The following LRMDA variants were observed in gnomAD, a reference collection of about 807,000 sequenced individuals.
LRMDA encodes the protein leucine rich melanocyte differentiation associated, also known as leucine-rich melanocyte differentiation-associated protein.
Under a neutral mutation model 29.8 loss-of-function variants are expected in LRMDA, and 18 were observed. The observed-to-expected ratio is 0.60, with a 90% CI of 0.42 to 0.90. LRMDA has a LOEUF of 0.90. Ranked by LOEUF, LRMDA falls within the 40% of genes least tolerant of loss-of-function variation. The pLI, the probability that LRMDA is intolerant of heterozygous loss-of-function variation, is 0.00. For missense variants in LRMDA, 273 were observed against 273.9 expected (o/e 1.00, Z 0.02); for synonymous variants, 125 against 109.4 (o/e 1.14, Z -0.89).
intron 6 of LRMDA, among the ~76,000 whole-genome samples, chr10:76,543,910 C>G (rs913236207): frequency 6.6e-5 from 10 of 152,132 alleles, no homozygotes; most frequent in African/African-American, 1.7e-4. Flanking sequence ...CCTGAGCCCC[C>G]CCCAGGAGAG....
rs147882639 is a variant in LRMDA, at chr10:76,158,185, A to G, written c.516+99402A>G. ...CTAACCATTCTTTCATGTGAATCTT[A>G]TGTCCTAGGGACTTTGATCTACACA... On this transcript the variant is annotated intron_variant, in intron 5 of 6. Transcript: ENST00000611255. Among the ~76,000 whole-genome samples the G allele has an allele frequency of 1.1e-3, 173 of 152,074 alleles. 1 individual carries two copies. The highest frequency in any genetic ancestry group is 3.9e-3 in the African/African-American group (161 of 41,460).
intron 2 of LRMDA, among the ~76,000 whole-genome samples, chr10:75,835,123 G>C (rs1464287913): frequency 6.6e-6 from 1 of 152,140 alleles, no homozygotes; most frequent in Non-Finnish European, 1.5e-5. Context: ...ATACACATTT[G>C]TTCTCTTATA....
Position 76,006,390 on chromosome 10 carries a change from G to A in LRMDA, c.132-29618G>A, listed in dbSNP as rs1847657650. Among the ~76,000 whole-genome samples, 3 of 152,174 alleles carry A rather than the reference G, an allele frequency of 2.0e-5. No individual in the cohort carries two copies. The South Asian group carries it at 6.2e-4, about 32-fold the overall frequency. On this transcript the variant is annotated intron_variant, in intron 2 of 6. Coordinates refer to ENST00000611255, the MANE Select transcript of LRMDA (RefSeq NM_001305581.2). Reference sequence around the variant, plus strand: ...ACCTGGAGAGAACCGTTTTGCCTCTGTCCGGCCATGTGAAGACCGGCTGGC... The same window carrying A: ...ACCTGGAGAGAACCGTTTTGCCTCTATCCGGCCATGTGAAGACCGGCTGGC...
chr10:75,594,184 CTG>C (rs1362705370), intron 2 of LRMDA, among the ~76,000 whole-genome samples: 2 of 152,192 alleles, frequency 1.3e-5, no homozygotes, highest in African/African-American at 4.8e-5. Flanking sequence ...GAAGAGCACA[CTG>C]AGAGAGCTCA....
intron 6 of LRMDA, among the ~76,000 whole-genome samples, chr10:76,555,629 G>T (rs2132400019): frequency 6.6e-6 from 1 of 152,288 alleles, no homozygotes; most frequent in Non-Finnish European, 1.5e-5. Flanking sequence ...AAGTCATTTT[G>T]ATCCTTATGT....
intron 6 of LRMDA, among the ~76,000 whole-genome samples, chr10:76,525,453 G>A (rs1349841835): frequency 6.6e-6 from 1 of 152,084 alleles, no homozygotes; most frequent in Non-Finnish European, 1.5e-5. Flanking sequence ...TTAGAGGATT[G>A]AGTCCTTTAC....
intron 2 of LRMDA, among the ~76,000 whole-genome samples, chr10:75,754,834 G>T (rs186296542): frequency 4.0e-4 from 61 of 151,806 alleles, no homozygotes; most frequent in Middle Eastern, 6.8e-3. Flanking sequence ...TCTTCTGAAT[G>T]TTCTTACTGC....
chr10:76,247,560 A>T (rs1237712280), intron 5 of LRMDA, among the ~76,000 whole-genome samples: 3 of 152,204 alleles, frequency 2.0e-5, no homozygotes, highest in Non-Finnish European at 4.4e-5. Context: ...TATGAAATCC[A>T]TTCACCTAGT....
At chr10:75,512,980 A>G (rs76575413) in intron 2 of LRMDA, among the ~76,000 whole-genome samples, 3 of 152,132 alleles carry the variant, frequency 2.0e-5, no homozygotes, top group Non-Finnish European at 2.9e-5. Context: ...TGTTATGTGA[A>G]AAAGGGGGTT....
At chr10:75,570,300 A>G (rs923796347) in intron 2 of LRMDA, among the ~76,000 whole-genome samples, 1 of 152,180 alleles carries the variant, frequency 6.6e-6, no homozygotes, top group Non-Finnish European at 1.5e-5. Context: ...ATACTGATCT[A>G]TTTACTTACT....
At chr10:76,367,734 C>T (rs977042149) in intron 6 of LRMDA, among the ~76,000 whole-genome samples, 12 of 152,118 alleles carry the variant, frequency 7.9e-5, no homozygotes, top group African/African-American at 2.9e-4. Context: ...AGGTGTGAGC[C>T]ACCGCGCCTG....
chr10:76,183,001 A>G (rs2132210878), intron 5 of LRMDA, among the ~76,000 whole-genome samples: 1 of 152,310 alleles, frequency 6.6e-6, no homozygotes, highest in South Asian at 2.1e-4. Flanking sequence ...CCCATAGCCC[A>G]GACTCTGCAT....
chr10:76,078,304 C>T (rs1259862117), intron 5 of LRMDA, among the ~76,000 whole-genome samples: 6 of 151,920 alleles, frequency 3.9e-5, no homozygotes, highest in African/African-American at 1.2e-4. Context: ...CCACGGCTCC[C>T]GGCCAATATT....
intron 6 of LRMDA, among the ~76,000 whole-genome samples, chr10:76,484,624 A>G (rs1842763706): frequency 6.6e-6 from 1 of 151,900 alleles, no homozygotes; most frequent in Admixed American, 6.6e-5. Context: ...TTGTATAATG[A>G]TCTTTAATCT....
At chr10:76,105,464 C>A (rs917059488) in intron 5 of LRMDA, among the ~76,000 whole-genome samples, 1 of 151,996 alleles carries the variant, frequency 6.6e-6, no homozygotes, top group African/African-American at 2.4e-5. Flanking sequence ...GTTAAGAAGT[C>A]CAAAATGAAA....
intron 2 of LRMDA, among the ~76,000 whole-genome samples, chr10:75,662,286 A>T (rs1841763924): frequency 6.6e-6 from 1 of 152,188 alleles, no homozygotes; most frequent in South Asian, 2.1e-4. Context: ...AACACATCTA[A>T]ATAGGCTTGG....
chr10:76,033,991 A>C (rs760433833), intron 2 of LRMDA, among the ~76,000 whole-genome samples: 2 of 152,168 alleles, frequency 1.3e-5, no homozygotes, highest in African/African-American at 2.4e-5. Context: ...AAGAAAAAAA[A>C]AACAGCGTAT....
At chr10:76,517,170 G>C (rs1169444610) in intron 6 of LRMDA, among the ~76,000 whole-genome samples, 1 of 152,104 alleles carries the variant, frequency 6.6e-6, no homozygotes, top group African/African-American at 2.4e-5. Flanking sequence ...ATAGGAAAAA[G>C]ATAGGAGAGC....
At chr10:75,521,007 C>T (rs1481977399) in intron 2 of LRMDA, among the ~76,000 whole-genome samples, 1 of 152,194 alleles carries the variant, frequency 6.6e-6, no homozygotes, top group Non-Finnish European at 1.5e-5. Context: ...CTGGGTATCA[C>T]CAGCGGAGGC....
Sources: gnomAD v4.1 joint callset for allele counts (sites outside exome capture counted in the v4.1 genomes callset) on GRCh38, gnomAD v4.1.1 for gene constraint, MANE v1.5 for transcripts, NCBI Gene and HGNC (gene_info 2026-07-23, HGNC 2026-07-21) for gene names.